The following PNPLA7 variants were observed in gnomAD, a reference collection of about 807,000 sequenced individuals.
PNPLA7 encodes the protein patatin like domain 7, lysophospholipase, also known as patatin-like phospholipase domain-containing protein 7.
PNPLA7 carries 153 observed loss-of-function variants against 161.7 expected under a neutral mutation model. The ratio of observed to expected loss-of-function variants is 0.95; its 90% CI spans 0.83 to 1.08. PNPLA7 has a LOEUF of 1.08. Among genes scored for constraint, PNPLA7 ranks in the 50% least tolerant of loss-of-function variants. The probability of loss-of-function intolerance (pLI) is 0.00; values close to 1 mark genes in which losing one functional copy is unlikely to be tolerated. For synonymous variants in PNPLA7, 809 were observed against 782.1 expected (o/e 1.03, Z -0.57); for missense variants, 1,739 against 1,856.6 (o/e 0.94, Z 1.16).
Position 137,478,920 on chromosome 9 carries a change from G to C in PNPLA7, c.2763+136C>G, listed in dbSNP as rs1158742248. ...CAAGATGAAGGAGACGTGAGGCAGG[G>C]TCACGTTCACAAGCACAGGAAGGGC... On this transcript the variant is annotated intron_variant, in intron 24 of 34. Coordinates refer to ENST00000406427, the MANE Select transcript of PNPLA7 (RefSeq NM_001098537.3). 5.8e-6 allele frequency: 7 copies of C among 1,199,874 alleles called. No individual in the cohort carries two copies. In the African/African-American group the frequency reaches 1.1e-4, roughly 19 times the overall value. 74.3% of individuals were successfully genotyped at this position (1,199,874 alleles called of 1,614,324 possible).
At chr9:137,482,534 T>C (rs929602619) in intron 21 of PNPLA7, among the ~76,000 whole-genome samples, 1 of 152,212 alleles carries the variant, frequency 6.6e-6, no homozygotes, top group African/African-American at 2.4e-5. Flanking sequence ...GACAAAATTA[T>C]AGAGATCGAG....
intron 14 of PNPLA7, among the ~76,000 whole-genome samples, chr9:137,503,696 G>T (rs1421447084): frequency 7.1e-6 from 1 of 141,844 alleles, no homozygotes; most frequent in African/African-American, 2.7e-5. Flanking sequence ...AGGGAAGAAA[G>T]AAGGGGAAGG....
intron 11 of PNPLA7, 147 bp downstream of exon 11, chr9:137,519,770 G>C: frequency 9.3e-7 from 1 of 1,080,914 alleles, no homozygotes; most frequent in East Asian, 2.7e-5. Flanking sequence ...GGGACTTGTA[G>C]GGTGACCTGG....
In PNPLA7 at chr9:137,463,515, G is replaced by C. The variant is rs756705143; in HGVS notation, c.3243C>G (p.Tyr1081Ter). The C allele has an allele frequency of 6.3e-7, 1 of 1,585,108 alleles. No individual in the cohort carries two copies. Among genetic ancestry groups the C allele is most frequent in the East Asian group, 2.3e-5 (1 of 43,608 alleles). ...CGGACAGGGACATGCTGGCACGCAC[G>C]TACCACCACAGGGAGCCTGGGGAGG... is the stretch of plus-strand genomic sequence containing the variant. ...RVHTDGSLWW[Y>*]VRASMSLSGY... Residue 1081 changes from tyrosine to a stop codon, truncating the protein, a stop_gained, in exon 29 of 35, where the codon TAC becomes TAG. Transcript: ENST00000406427. LOFTEE classifies it high-confidence loss of function.
intron 22 of PNPLA7, 62 bp from the exon 23 acceptor site, chr9:137,480,542 C>A: frequency 3.9e-6 from 6 of 1,526,994 alleles, no homozygotes; most frequent in South Asian, 1.3e-5. Context: ...TAGCACATGT[C>A]CCCGGGGCAA....
chr9:137,533,529 A>G (rs1482528484), intron 8 of PNPLA7, among the ~76,000 whole-genome samples: 2 of 145,624 alleles, frequency 1.4e-5, no homozygotes, highest in African/African-American at 5.1e-5. Context: ...TCCACTCCAG[A>G]CGGGAGCACC....
Position 137,520,774 on chromosome 9 carries a change from G to T in PNPLA7, c.958-731C>A, listed in dbSNP as rs531598297. ...ACCGCCAGGAGGAGGGAGAGCCGGG[G>T]TTGACAGCCTTGTGCCCTTGACAAT... On this transcript the variant is annotated intron_variant, in intron 10 of 34. Coordinates refer to ENST00000406427, the MANE Select transcript of PNPLA7 (RefSeq NM_001098537.3). This position sits in a 1 kb window ranked among gnomAD's most constrained non-coding sequence, Gnocchi z 5.2. Among the ~76,000 whole-genome samples, 2 of 152,340 alleles carry T rather than the reference G, an allele frequency of 1.3e-5. No homozygotes were observed. The highest frequency in any genetic ancestry group is 4.8e-5 in the African/African-American group (2 of 41,582).
chr9:137,485,307 C>T (rs553933075), intron 20 of PNPLA7, among the ~76,000 whole-genome samples: 6 of 151,672 alleles, frequency 4.0e-5, no homozygotes, highest in Admixed American at 2.0e-4. Flanking sequence ...GAGGCCTCAT[C>T]GGAGTAAACC....
intron 32 of PNPLA7, 38 bp downstream of exon 32, chr9:137,461,874 CCCGAAGAACTGGGCGCGGT>C (rs547363969): frequency 0.015 from 21,974 of 1,479,778 alleles, 192 homozygotes; most frequent in Non-Finnish European, 0.017. Flanking sequence ...GTGGGCGTGG[CCCGAAGAACTGGGCGCGGT>C]CCGGGGAGCT....
In PNPLA7 at chr9:137,462,765, C is replaced by T. The variant is rs1831279019; in HGVS notation, c.3412G>A (p.Asp1138Asn). The T allele has an allele frequency of 6.2e-7, 1 of 1,613,830 alleles. No individual in the cohort carries two copies. Among genetic ancestry groups the T allele is most frequent in the Non-Finnish European group, 8.5e-7 (1 of 1,179,976 alleles). Reference sequence around the variant, plus strand: ...AGCGCATCCCCATAGTTGGTGAGGTCCGTCTCATCTCGGCTGCCCACGTCA... The same window carrying T: ...AGCGCATCCCCATAGTTGGTGAGGTTCGTCTCATCTCGGCTGCCCACGTCA... ...AIDVGSRDET[D>N]LTNYGDALSG... Residue 1138 changes from aspartate to asparagine, a missense_variant, in exon 30 of 35, where the codon GAC becomes AAC. Coordinates refer to ENST00000406427, the MANE Select transcript of PNPLA7 (RefSeq NM_001098537.3).
Position 137,500,910 on chromosome 9 carries a change from G to C in PNPLA7, c.1552-14C>G. On this transcript the variant is annotated splice_polypyrimidine_tract_variant and intron_variant, in intron 15 of 34. Transcript: ENST00000406427. This position sits in a 1 kb window ranked among gnomAD's most constrained non-coding sequence, Gnocchi z 5.5. ...GATGCTGGCGTCCTGACACACGAGA[G>C]GGCTCAGGAGGCGCCGCGAGTGGCC... 1 of 1,551,642 alleles carries C rather than the reference G, an allele frequency of 6.4e-7. No homozygotes were observed. The highest frequency in any genetic ancestry group is 8.7e-7 in the Non-Finnish European group (1 of 1,152,286).
intron 11 of PNPLA7, among the ~76,000 whole-genome samples, chr9:137,519,555 G>A (rs1834876761): frequency 6.6e-6 from 1 of 152,184 alleles, no homozygotes; most frequent in Non-Finnish European, 1.5e-5. Context: ...TGAGGAGATG[G>A]GCACACCTGA....
intron 14 of PNPLA7, among the ~76,000 whole-genome samples, chr9:137,502,432 C>CA (rs932194285): frequency 6.6e-6 from 1 of 150,978 alleles, no homozygotes. Flanking sequence ...AGCTCCCCCC[C>CA]AAAAGAGAAA....
chr9:137,464,010 A>G, intron 28 of PNPLA7, 116 bp downstream of exon 28: 1 of 1,149,982 alleles, frequency 8.7e-7, no homozygotes, highest in Non-Finnish European at 1.2e-6. Context: ...AAAGCTGCCC[A>G]TACGTCTGCA....
At position 137,468,297 on chromosome 9, in the gene PNPLA7, G is replaced by A. The variant is rs146212063; in HGVS notation, c.2883-824C>T. Among the ~76,000 whole-genome samples the A allele has an allele frequency of 5.0e-3, 766 of 152,152 alleles. 7 individuals are homozygous for A. Among genetic ancestry groups the A allele is most frequent in the African/African-American group, 0.017 (723 of 41,508 alleles). ...CTCAACCAAAGATTACCAGTCATAT[G>A]AGAAGAAAAGCCTCATATAGGCTTT... On this transcript the variant is annotated intron_variant, in intron 25 of 34. Transcript: ENST00000406427. The surrounding 1 kb of genome is among the most constrained non-coding windows in gnomAD (Gnocchi z 4.0).
chr9:137,488,502 G>A (rs1227274698), intron 20 of PNPLA7, among the ~76,000 whole-genome samples: 2 of 152,202 alleles, frequency 1.3e-5, no homozygotes, highest in Non-Finnish European at 1.5e-5. Flanking sequence ...GACAGAGCTC[G>A]AGGCAGCTCT....
intron 1 of PNPLA7, 109 bp downstream of exon 1, chr9:137,550,059 C>G: frequency 7.2e-7 from 1 of 1,380,998 alleles, no homozygotes; most frequent in Non-Finnish European, 1.0e-6. Context: ...CGCCAAGAAG[C>G]CACGGGGCCA....
In PNPLA7 at chr9:137,462,163, G is replaced by C; in HGVS notation, c.3645+16C>G. 2 of 1,554,514 alleles carry C rather than the reference G, an allele frequency of 1.3e-6. No individual in the cohort carries two copies. Among genetic ancestry groups the C allele is most frequent in the Non-Finnish European group, 1.7e-6 (2 of 1,146,626 alleles). Reference sequence around the variant, plus strand: ...GCCTCCGCCCGCCTCCGCCGCCGCGGGTGGCCGGCACTCACGCAGATCTCG... The same window carrying C: ...GCCTCCGCCCGCCTCCGCCGCCGCGCGTGGCCGGCACTCACGCAGATCTCG... On this transcript the variant is annotated intron_variant, in intron 31 of 34. Coordinates refer to ENST00000406427, the MANE Select transcript of PNPLA7 (RefSeq NM_001098537.3).
Position 137,543,421 on chromosome 9 carries a change from C to T in PNPLA7, c.506+11G>A. The T allele has an allele frequency of 4.3e-6, 7 of 1,613,976 alleles. No homozygotes were observed. In the South Asian group the frequency reaches 4.4e-5, roughly 10 times the overall value. On this transcript the variant is annotated intron_variant, in intron 6 of 34. Coordinates refer to ENST00000406427, the MANE Select transcript of PNPLA7 (RefSeq NM_001098537.3). This position sits in a 1 kb window ranked among gnomAD's most constrained non-coding sequence, Gnocchi z 6.9. ...GCTGCCGCAGCCCCCGGGGCTCATC[C>T]CCGCTCTTACCGAACGTTTTTCAGC...
Sources: gnomAD v4.1 joint callset for allele counts (sites outside exome capture counted in the v4.1 genomes callset) on GRCh38, gnomAD v4.1.1 for gene constraint, Gnocchi (gnomAD v3.1) non-coding constraint, MANE v1.5 for transcripts, NCBI Gene and HGNC (gene_info 2026-07-23, HGNC 2026-07-21) for gene names.